The following ZNF282 variants were observed in gnomAD, a reference collection of about 807,000 sequenced individuals.
ZNF282 encodes the protein HTLV-I U5 repressive element-binding protein 1.
ZNF282 carries 30 observed loss-of-function variants against 61.9 expected under a neutral mutation model. The ratio of observed to expected loss-of-function variants is 0.48; its 90% CI spans 0.36 to 0.66. The LOEUF (loss-of-function observed/expected upper bound fraction) is 0.66, where lower values mean the gene tolerates loss of function less well. Ranked by LOEUF, ZNF282 falls within the 30% of genes least tolerant of loss-of-function variation. ZNF282 has a pLI of 0.00. For synonymous variants in ZNF282, 396 were observed against 405.0 expected (o/e 0.98, Z 0.27); for missense variants, 788 against 941.4 (o/e 0.84, Z 2.13).
chr7:149,207,857 T>C (rs1186716050), intron 4 of ZNF282, among the ~76,000 whole-genome samples: 1 of 152,208 alleles, frequency 6.6e-6, no homozygotes, highest in Non-Finnish European at 1.5e-5. Context: ...CGCTTATTGC[T>C]TGGCCTAATG....
In ZNF282 at chr7:149,216,059, G is replaced by A. The variant is rs534583456; in HGVS notation, c.1180+2245G>A. Among the ~76,000 whole-genome samples, 21 of 152,258 alleles carry A rather than the reference G, an allele frequency of 1.4e-4. No individual in the cohort carries two copies. In the South Asian group the frequency reaches 4.4e-3, roughly 32 times the overall value. ...AGGACCCCACCATTTTCCTACTTAAGTTTGGATATCATAGAATGATTTGCC... is the reference window on the plus strand; with the variant it reads ...AGGACCCCACCATTTTCCTACTTAAATTTGGATATCATAGAATGATTTGCC... On this transcript the variant is annotated intron_variant, in intron 7 of 7. Coordinates refer to ENST00000610704, the MANE Select transcript of ZNF282 (RefSeq NM_003575.4).
rs550868721 is a variant in ZNF282, at chr7:149,212,231, T to C, written c.953-127T>C. The stretch of plus-strand genomic sequence containing the variant: ...ACTTCAACCTTTAGTTAATGAGACT[T>C]ATGTAATTGTACCTGATGTTTAGGG... On this transcript the variant is annotated intron_variant, in intron 5 of 7. Transcript: ENST00000610704. 3 of 627,706 alleles carry C rather than the reference T, an allele frequency of 4.8e-6. No individual in the cohort carries two copies. In the Admixed American group the frequency reaches 1.0e-4, roughly 21 times the overall value. The allele number at this position is 627,706 out of a possible 1,614,324, so 38.9% of individuals were successfully genotyped here. A position where few individuals can be genotyped will look rare whatever the true frequency, so the allele number is the denominator to read the frequency against.
intron 4 of ZNF282, 89 bp from the exon 5 acceptor site, chr7:149,210,496 C>T: frequency 6.4e-7 from 1 of 1,565,590 alleles, no homozygotes; most frequent in African/African-American, 1.4e-5. Flanking sequence ...AAAAAAGACA[C>T]AAAGCAATGT....
chr7:149,211,136 C>T (rs529089795), intron 5 of ZNF282, among the ~76,000 whole-genome samples: 4 of 152,220 alleles, frequency 2.6e-5, no homozygotes, highest in Admixed American at 6.5e-5. Flanking sequence ...CAGGCACCTA[C>T]ATACCTGCGG....
chr7:149,218,736 C>T (rs1441815296), intron 7 of ZNF282, among the ~76,000 whole-genome samples: 1 of 152,154 alleles, frequency 6.6e-6, no homozygotes, highest in Non-Finnish European at 1.5e-5. Flanking sequence ...CACTTCTGAC[C>T]AGCTGGCTAC....
chr7:149,207,253 G>A, intron 3 of ZNF282, 98 bp from the exon 4 acceptor site: 1 of 1,459,214 alleles, frequency 6.9e-7, no homozygotes. Context: ...CACCCAGGAG[G>A]AGAGGGGGAG....
At position 149,223,939 on chromosome 7, in the gene ZNF282, C is replaced by G. The variant is rs1796308360; in HGVS notation, c.1308C>G (p.Ala436=). 1 of 1,320,720 alleles carries G rather than the reference C, an allele frequency of 7.6e-7. No homozygotes were observed. Among genetic ancestry groups the G allele is most frequent in the African/African-American group, 1.5e-5 (1 of 64,944 alleles). The allele number at this position is 1,320,720 out of a possible 1,614,324, so 81.8% of individuals were successfully genotyped here. Residue 436 remains alanine (A), a synonymous_variant, in exon 8 of 8, where the codon GCC becomes GCG. Coordinates refer to ENST00000610704, the MANE Select transcript of ZNF282 (RefSeq NM_003575.4). ...AGAGCCTGCCCCCCATCGCGGTGGC[C>G]GAGAACCCGGGCGGCCCCCCGAGCC... The part of the protein sequence containing the change: ...QPQSLPPIAV[A]ENPGGPPSRG...
At chr7:149,204,979 T>A (rs1795970373) in intron 2 of ZNF282, among the ~76,000 whole-genome samples, 1 of 151,930 alleles carries the variant, frequency 6.6e-6, no homozygotes, top group South Asian at 2.1e-4. Context: ...AACAAAAAAA[T>A]TAGCCAGGCG....
intron 7 of ZNF282, among the ~76,000 whole-genome samples, chr7:149,216,749 G>C (rs545583322): frequency 6.6e-6 from 1 of 152,292 alleles, no homozygotes; most frequent in Non-Finnish European, 1.5e-5. Context: ...CGGGATACCT[G>C]TCCTTGCCAA....
chr7:149,219,673 C>T (rs1405756021), intron 7 of ZNF282, among the ~76,000 whole-genome samples: 1 of 152,010 alleles, frequency 6.6e-6, no homozygotes. Flanking sequence ...ATGGAGAGAC[C>T]CTGTCTCTAC....
At position 149,224,310 on chromosome 7, in the gene ZNF282, G is replaced by A. The variant is rs1796323012; in HGVS notation, c.1679G>A (p.Gly560Asp). 6.2e-7 allele frequency: 1 copy of A among 1,613,300 alleles called. No homozygotes were observed. Among genetic ancestry groups the A allele is most frequent in the Non-Finnish European group, 8.5e-7 (1 of 1,179,892 alleles). Residue 560 changes from glycine to aspartate, a missense_variant, in exon 8 of 8, where the codon GGC becomes GAC. Transcript: ENST00000610704. ...ECEKSFNCHS[G>D]LIRHQMTHRG... ...GAGAAGAGCTTCAACTGCCACTCGG[G>A]CCTCATCCGCCACCAGATGACGCAC...
intron 7 of ZNF282, among the ~76,000 whole-genome samples, chr7:149,218,450 C>G (rs1199382445): frequency 6.6e-6 from 1 of 152,106 alleles, no homozygotes; most frequent in Non-Finnish European, 1.5e-5. Flanking sequence ...TGGAAAAGAA[C>G]CTGTGTTGCT....
Position 149,224,516 on chromosome 7 carries a change from C to T in ZNF282, c.1885C>T (p.Pro629Ser), listed in dbSNP as rs1796327999. Residue 629 changes from proline to serine, a missense_variant, in exon 8 of 8, where the codon CCC (proline) becomes TCC (serine). Physicochemically the swap from Pro to Ser is moderately conservative, Grantham distance 74. This residue lies in a region of ZNF282 where 559 missense variants were observed against 642.0 expected (regional missense o/e 0.87). Coordinates refer to ENST00000610704, the MANE Select transcript of ZNF282 (RefSeq NM_003575.4). ...CCAGCGCATCCACACGGGCGAGCGC[C>T]CCTACACGTGCGGCGAGTGCGGCAA... is the stretch of plus-strand genomic sequence containing the variant. Reference protein sequence around the residue: ...KHQRIHTGERPYTCGECGKSF... With the variant: ...KHQRIHTGERSYTCGECGKSF... 6.2e-7 allele frequency: 1 copy of T among 1,612,782 alleles called. No individual in the cohort carries two copies. Among genetic ancestry groups the T allele is most frequent in the South Asian group, 1.1e-5 (1 of 91,082 alleles).
intron 2 of ZNF282, among the ~76,000 whole-genome samples, chr7:149,205,730 C>T (rs1389777045): frequency 1.3e-5 from 2 of 152,190 alleles, no homozygotes; most frequent in Non-Finnish European, 2.9e-5. Flanking sequence ...GGTAGCTGTG[C>T]TCCTGACTTT....
chr7:149,211,196 A>G (rs1293844401), intron 5 of ZNF282, among the ~76,000 whole-genome samples: 1 of 152,230 alleles, frequency 6.6e-6, no homozygotes, highest in Non-Finnish European at 1.5e-5. Context: ...ACTCTGTCGT[A>G]GGTGAGAGCT....
chr7:149,205,064 G>A (rs963041265), intron 2 of ZNF282, among the ~76,000 whole-genome samples: 3 of 152,068 alleles, frequency 2.0e-5, no homozygotes. Context: ...GGAGGCGGAG[G>A]TTGCAGTGAG....
At chr7:149,215,836 C>T (rs746070559) in intron 7 of ZNF282, among the ~76,000 whole-genome samples, 1 of 152,188 alleles carries the variant, frequency 6.6e-6, no homozygotes, top group Non-Finnish European at 1.5e-5. Context: ...CTAGCCCTGG[C>T]CCGAAGGCAT....
intron 7 of ZNF282, among the ~76,000 whole-genome samples, chr7:149,220,367 G>A (rs368801118): frequency 2.0e-4 from 31 of 152,138 alleles, no homozygotes; most frequent in African/African-American, 6.7e-4. Flanking sequence ...AGCTGAGATC[G>A]CGCCACTGCA....
In ZNF282 at chr7:149,200,164, G is replaced by C. The variant is rs907367290; in HGVS notation, c.585+1412G>C. 2.2e-4 allele frequency among the ~76,000 whole-genome samples: 34 copies of C among 152,158 alleles called. 1 individual carries two copies. The highest frequency in any genetic ancestry group is 1.5e-5 in the Non-Finnish European group (1 of 68,028). ...CACCTGTCCTGTTTTGCATCTCGCTGTCTGGATTCCACTGATTACGTCCCC... is the reference window on the plus strand; with the variant it reads ...CACCTGTCCTGTTTTGCATCTCGCTCTCTGGATTCCACTGATTACGTCCCC... On this transcript the variant is annotated intron_variant, in intron 2 of 7. Transcript: ENST00000610704.
Sources: allele counts gnomAD v4.1 joint callset (sites outside exome capture counted in the v4.1 genomes callset), GRCh38; gene constraint gnomAD v4.1.1; regional missense constraint gnomAD v4.1.1; transcripts MANE v1.5; gene names NCBI Gene and HGNC (gene_info 2026-07-23, HGNC 2026-07-21).